SP100: variants seen among roughly 807,000 people sequenced by gnomAD.
SP100 encodes SP100 nuclear body protein.
A neutral mutation model predicts 130.0 loss-of-function variants in SP100; 84 were observed. That is an observed-to-expected ratio of 0.65 (90% CI 0.54 to 0.77). SP100 has a LOEUF of 0.77. SP100 is among the 30% of genes least tolerant of loss of function. The pLI is 0.00. For synonymous variants in SP100, 331 were observed against 351.7 expected, an observed-to-expected ratio of 0.94 and a Z score of 0.66; for missense variants, 978 against 1,052.2, an observed-to-expected ratio of 0.93 and a Z score of 0.97.
intron 24 of SP100, among the ~76,000 whole-genome samples, chr2:230,529,397 C>G (rs1391449702): frequency 6.6e-6 from 1 of 152,196 alleles, no homozygotes; most frequent in African/African-American, 2.4e-5. Context: ...TAAAAACTCT[C>G]TCAATAAACT....
chr2:230,538,193 C>T (rs1009159425), intron 24 of SP100: 2 of 152,106 alleles, frequency 1.3e-5, no homozygotes, highest in African/African-American at 4.8e-5. Context: ...TTGAGAACCA[C>T]TTGTAAGCAA....
At chr2:230,419,364 C>T (rs1173982966) in intron 2 of SP100, among the ~76,000 whole-genome samples, 2 of 152,176 alleles carry the variant, frequency 1.3e-5, no homozygotes, top group Non-Finnish European at 2.9e-5. Flanking sequence ...TCCAGGGTAT[C>T]CACAGTGTAG....
chr2:230,521,675 C>G (rs148849348), intron 24 of SP100, among the ~76,000 whole-genome samples: 18 of 152,182 alleles, frequency 1.2e-4, no homozygotes, highest in Admixed American at 5.9e-4. Flanking sequence ...GTTTCAACAA[C>G]AGATTTTGGT....
intron 2 of SP100, 32 bp downstream of exon 2, chr2:230,417,697 T>G: frequency 6.3e-7 from 1 of 1,598,848 alleles, no homozygotes; most frequent in South Asian, 1.1e-5. Context: ...CTTGTTTTAA[T>G]TTGTATTTTC....
chr2:230,535,571 A>C (rs564607568), intron 24 of SP100, among the ~76,000 whole-genome samples: 1 of 152,252 alleles, frequency 6.6e-6, no homozygotes, highest in South Asian at 2.1e-4. Flanking sequence ...ACTATTTGTG[A>C]ATATTATTAA....
At chr2:230,424,366 CA>C (rs2062857476) in intron 2 of SP100, among the ~76,000 whole-genome samples, 1 of 152,090 alleles carries the variant, frequency 6.6e-6, no homozygotes, top group South Asian at 2.1e-4. Context: ...TGGAATATTA[CA>C]TAATAAGAGG....
chr2:230,540,344 G>C (rs1179785512), intron 25 of SP100, among the ~76,000 whole-genome samples: 1 of 152,172 alleles, frequency 6.6e-6, no homozygotes, highest in African/African-American at 2.4e-5. Context: ...ACAAATGAAA[G>C]ATATCTGACA....
intron 8 of SP100, among the ~76,000 whole-genome samples, chr2:230,453,197 G>A (rs189995303): frequency 2.6e-5 from 4 of 152,292 alleles, no homozygotes; most frequent in East Asian, 3.9e-4. Context: ...GGGGGGACAA[G>A]TTCCTTATAA....
intron 23 of SP100, chr2:230,509,661 T>A (rs886375332): frequency 2.0e-5 from 3 of 152,090 alleles, no homozygotes; most frequent in African/African-American, 7.2e-5. Flanking sequence ...TCCTCTCCCC[T>A]CGGTTTCTAA....
intron 18 of SP100, 59 bp downstream of exon 18, chr2:230,494,519 C>A: frequency 7.8e-7 from 1 of 1,279,322 alleles, no homozygotes; most frequent in South Asian, 1.2e-5. Flanking sequence ...TTCTTCCTGC[C>A]AGACCCCATC....
In SP100 at chr2:230,517,764, C is replaced by CAA. The variant is rs34404923; in HGVS notation, c.2094+6610_2094+6611dup. Among the ~76,000 whole-genome samples the CAA allele has an allele frequency of 3.1e-3, 452 of 144,314 alleles. 1 individual carries two copies. The highest frequency in any genetic ancestry group is 9.2e-3 in the African/African-American group (362 of 39,346). 94.7% of individuals were successfully genotyped at this position (144,314 alleles called of 152,430 possible). A position where few individuals can be genotyped will look rare whatever the true frequency, so the allele number is the denominator to read the frequency against. ...TGGGCAACAGAGCAAGACTCCATCT[C>CAA]AAAAAAAAAAAAAGTTTTAAAAAGA... On this transcript the variant is annotated intron_variant, in intron 24 of 28. Coordinates refer to ENST00000340126, the MANE Select transcript of SP100 (RefSeq NM_001080391.2).
chr2:230,524,352 A>G (rs1166692384), intron 24 of SP100, among the ~76,000 whole-genome samples: 16 of 120,116 alleles, frequency 1.3e-4, no homozygotes, highest in African/African-American at 4.7e-4. Flanking sequence ...GTGAGATTCC[A>G]TCTCAAAAAA....
At chr2:230,427,546 G>T (rs1423144520) in intron 2 of SP100, among the ~76,000 whole-genome samples, 1 of 152,074 alleles carries the variant, frequency 6.6e-6, no homozygotes, top group Non-Finnish European at 1.5e-5. Context: ...CTTTTGATTA[G>T]AGAATTTAAT....
chr2:230,451,553 C>G (rs1474987094), intron 8 of SP100, among the ~76,000 whole-genome samples: 1 of 152,224 alleles, frequency 6.6e-6, no homozygotes, highest in Non-Finnish European at 1.5e-5. Context: ...TAATCCTTAT[C>G]AGACACATGG....
At chr2:230,426,750 T>C (rs946152289) in intron 2 of SP100, among the ~76,000 whole-genome samples, 2 of 152,208 alleles carry the variant, frequency 1.3e-5, no homozygotes, top group African/African-American at 4.8e-5. Flanking sequence ...GTTCTATATA[T>C]GTTTGTTAGG....
chr2:230,542,350 T>C (rs1274266526), intron 28 of SP100, among the ~76,000 whole-genome samples: 1 of 152,160 alleles, frequency 6.6e-6, no homozygotes, highest in African/African-American at 2.4e-5. Context: ...AGAAGTGCAC[T>C]TTAAAGGCAT....
chr2:230,459,261 G>T (rs978959683), intron 8 of SP100, among the ~76,000 whole-genome samples: 1 of 152,182 alleles, frequency 6.6e-6, no homozygotes, highest in Non-Finnish European at 1.5e-5. Context: ...ATCATGCAAA[G>T]AAGGGAAGAG....
At chr2:230,475,861 G>C (rs2065517016) in intron 17 of SP100, among the ~76,000 whole-genome samples, 1 of 152,046 alleles carries the variant, frequency 6.6e-6, no homozygotes, top group African/African-American at 2.4e-5. Context: ...GAGCAGGTTT[G>C]TTTCTGAGTT....
intron 24 of SP100, among the ~76,000 whole-genome samples, chr2:230,525,846 G>A (rs1461729279): frequency 1.3e-5 from 2 of 152,020 alleles, no homozygotes; most frequent in African/African-American, 4.8e-5. Context: ...GTGGGGGGAG[G>A]GGCACCCACC....
Sources: allele counts gnomAD v4.1 joint callset (sites outside exome capture counted in the v4.1 genomes callset), GRCh38; gene constraint gnomAD v4.1.1; transcripts MANE v1.5; gene names NCBI Gene and HGNC (gene_info 2026-07-23, HGNC 2026-07-21).